RMDN1: variants seen among roughly 807,000 people sequenced by gnomAD.
The protein encoded by RMDN1 is regulator of microtubule dynamics protein 1.
Under a neutral mutation model 48.9 loss-of-function variants are expected in RMDN1, and 48 were observed. That is an observed-to-expected ratio of 0.98 (90% CI 0.78 to 1.25). The LOEUF (loss-of-function observed/expected upper bound fraction) is 1.25, where lower values mean the gene tolerates loss of function less well. Among genes scored for constraint, RMDN1 ranks in the 50% most tolerant of loss-of-function variants. RMDN1 has a pLI of 0.00. For synonymous variants in RMDN1, 148 were observed against 132.6 expected, an observed-to-expected ratio of 1.12 and a Z score of -0.80; for missense variants, 418 against 373.4, an observed-to-expected ratio of 1.12 and a Z score of -0.98.
chr8:86,481,979 TG>T, intron 5 of RMDN1: 1 of 866,820 alleles, frequency 1.2e-6, no homozygotes, highest in Non-Finnish European at 1.9e-6. Context: ...AATCCACATG[TG>T]GAAATGGTGT....
chr8:86,484,699 CAA>C (rs561448927), intron 5 of RMDN1, 171 bp downstream of exon 5: 229 of 406,338 alleles, frequency 5.6e-4, no homozygotes, highest in Admixed American at 2.6e-3. Flanking sequence ...GCCCGGATGA[CAA>C]GAGCGAAACT....
In RMDN1 at chr8:86,474,951, C is replaced by G; in HGVS notation, c.763G>C (p.Asp255His). ...LGYFHRAEQV[D>H]PNFYSKNLLL... ...AAGTTTTTGCTGTAGAAGTTTGGAT[C>G]CACTGCACATAAGAAAGAAAAAATG... Residue 255 changes from aspartate (D) to histidine (H), a missense_variant and splice_region_variant, in exon 9 of 10, where the codon GAT becomes CAT. Transcript: ENST00000406452. 5 of 1,600,790 alleles carry G rather than the reference C, an allele frequency of 3.1e-6. No individual in the cohort carries two copies. Among genetic ancestry groups the G allele is most frequent in the Non-Finnish European group, 4.3e-6 (5 of 1,176,220 alleles).
At chr8:86,504,026 T>C in intron 2 of RMDN1, 1 of 792,182 alleles carries the variant, frequency 1.3e-6, no homozygotes, top group Non-Finnish European at 2.3e-6. Flanking sequence ...GCTACTGCCC[T>C]GCAGGGTACC....
At chr8:86,504,347 T>A in intron 2 of RMDN1, 1 of 1,578,358 alleles carries the variant, frequency 6.3e-7, no homozygotes, top group South Asian at 1.1e-5. Context: ...GAAAAGCAAG[T>A]CACCGTGCTG....
At chr8:86,477,208 A>G in intron 8 of RMDN1, 86 bp downstream of exon 8, 1 of 941,130 alleles carries the variant, frequency 1.1e-6, no homozygotes. Flanking sequence ...AGAATAAACA[A>G]CTGCTTTAGA....
At chr8:86,504,059 G>T in intron 2 of RMDN1, 1 of 850,486 alleles carries the variant, frequency 1.2e-6, no homozygotes, top group Non-Finnish European at 2.1e-6. Context: ...AACCAGCTGG[G>T]CATCATTGTC....
intron 5 of RMDN1, 154 bp downstream of exon 5, chr8:86,484,718 C>CAAA (rs34599016): frequency 5.5e-4 from 150 of 274,378 alleles, no homozygotes; most frequent in Middle Eastern, 2.2e-3. Context: ...AACTCCGTCT[C>CAAA]AAAAAAAAAA....
At chr8:86,485,169 G>A (rs1322536294) in intron 4 of RMDN1, among the ~76,000 whole-genome samples, 2 of 152,154 alleles carry the variant, frequency 1.3e-5, no homozygotes, top group Admixed American at 6.6e-5. Flanking sequence ...AGTGGCTCAC[G>A]CCTGTAACAG....
rs1488483631 is a variant in RMDN1 at position 86,486,582 on chromosome 8, T to G, written c.397A>C (p.Arg133=). The change falls in exon 4 of 10, where the codon AGA becomes CGA. Residue 133 remains arginine, a synonymous_variant. Transcript: ENST00000406452. ...AGCTTTTTCTCCTCTTCTGAGGTTC[T>G]GCTAAGCTGAGCTACATCACGTGAT... ...RASRDVAQLS[R]TSEEEKKLLV... The G allele has an allele frequency of 2.5e-6, 4 of 1,613,172 alleles. No individual in the cohort carries two copies. In the East Asian group the frequency reaches 8.9e-5, roughly 36 times the overall value.
At chr8:86,514,316 G>A in exon 1 of RMDN1, 1 of 972,252 alleles carries the variant, frequency 1.0e-6, no homozygotes. Context: ...TACTGGCAAG[G>A]AGCTGACATG....
upstream of RMDN1, among the ~76,000 whole-genome samples, chr8:86,509,090 T>C (rs1819894808): frequency 6.6e-6 from 1 of 152,018 alleles, no homozygotes; most frequent in South Asian, 2.1e-4. Context: ...AAGTAAATAA[T>C]TGGAAGAATT....
In RMDN1 at chr8:86,508,652, C is replaced by A; in HGVS notation, c.-32G>T. 1 of 1,569,018 alleles carries A rather than the reference C, an allele frequency of 6.4e-7. No individual in the cohort carries two copies. The highest frequency in any genetic ancestry group is 2.3e-5 in the East Asian group (1 of 42,952). ...CAACTTGCGGGCTGACCCTGCACTA[C>A]TTCAGGCAGCTACGGAGGCGGGCGG... On this transcript the variant is annotated 5_prime_UTR_variant, in exon 1 of 10. Transcript: ENST00000406452.
upstream of RMDN1, among the ~76,000 whole-genome samples, chr8:86,511,485 A>T (rs983507880): frequency 2.0e-5 from 3 of 151,506 alleles, no homozygotes; most frequent in Non-Finnish European, 2.9e-5. Context: ...AGAAAAAAAA[A>T]AGAGAGAGAA....
chr8:86,495,463 T>C (rs1260772908), intron 2 of RMDN1, among the ~76,000 whole-genome samples: 5 of 151,970 alleles, frequency 3.3e-5, no homozygotes, highest in African/African-American at 1.2e-4. Context: ...AGTGCAGCAT[T>C]GCCATGGGTA....
At chr8:86,503,903 G>A in intron 2 of RMDN1, 1 of 699,048 alleles carries the variant, frequency 1.4e-6, no homozygotes, top group East Asian at 2.7e-5. Context: ...TGCCTTATGG[G>A]ATTGTGTAAA....
At chr8:86,504,938 T>C (rs554101801) in intron 2 of RMDN1, 70 of 1,262,282 alleles carry the variant, frequency 5.5e-5, no homozygotes, top group Non-Finnish European at 5.9e-5. Flanking sequence ...CTGAGACCCA[T>C]GGCAGGGCTT....
chr8:86,494,846 T>C (rs977389522), intron 2 of RMDN1: 3 of 344,934 alleles, frequency 8.7e-6, no homozygotes, highest in Non-Finnish European at 1.1e-5. Context: ...TCATGGCACA[T>C]GCCTGTAATC....
chr8:86,484,156 C>G (rs1317059377), intron 5 of RMDN1, among the ~76,000 whole-genome samples: 2 of 152,166 alleles, frequency 1.3e-5, no homozygotes, highest in Admixed American at 1.3e-4. Flanking sequence ...GTGATGCAAG[C>G]AGAGGCTTGC....
chr8:86,480,428 T>C (rs1814181094), intron 5 of RMDN1, 96 bp from the exon 6 acceptor site: 2 of 599,768 alleles, frequency 3.3e-6, no homozygotes, highest in South Asian at 2.6e-5. Flanking sequence ...TTTTAAAAAA[T>C]GCAACTGTGT....
Sources: allele counts gnomAD v4.1 joint callset (sites outside exome capture counted in the v4.1 genomes callset), GRCh38; gene constraint gnomAD v4.1.1; transcripts MANE v1.5; gene names NCBI Gene and HGNC (gene_info 2026-07-23, HGNC 2026-07-21).